ADGRG1: variants seen among roughly 807,000 people sequenced by gnomAD.
ADGRG1 encodes adhesion G protein-coupled receptor G1.
In ADGRG1, 53 loss-of-function variants were observed where a neutral mutation model predicts 73.5. The observed-to-expected ratio is 0.72, with a 90% CI of 0.58 to 0.91. The LOEUF is 0.91. Among genes scored for constraint, ADGRG1 ranks in the 40% least tolerant of loss-of-function variants. ADGRG1 has a pLI of 0.00. For missense variants in ADGRG1, 795 were observed against 871.8 expected, an observed-to-expected ratio of 0.91 and a Z score of 1.11; for synonymous variants, 394 against 374.4, an observed-to-expected ratio of 1.05 and a Z score of -0.60.
intron 3 of ADGRG1, 109 bp from the exon 4 acceptor site, chr16:57,653,094 G>A (rs2044531045): frequency 6.3e-7 from 1 of 1,588,572 alleles, no homozygotes; most frequent in Non-Finnish European, 8.5e-7. Flanking sequence ...CCTTTGTAAA[G>A]TAAAGATCGA....
intron 13 of ADGRG1, chr16:57,663,058 T>C (rs1268988892): frequency 1.6e-5 from 16 of 985,252 alleles, no homozygotes; most frequent in Non-Finnish European, 1.8e-5. Flanking sequence ...TACTAAGCTG[T>C]GGATACATCA....
Position 57,659,503 on chromosome 16 carries a change from G to A in ADGRG1, c.1377G>A (p.Pro459=), listed in dbSNP as rs772599432. 39 of 1,613,690 alleles carry A rather than the reference G, an allele frequency of 2.4e-5. No homozygotes were observed. Among genetic ancestry groups the A allele is most frequent in the Non-Finnish European group, 3.1e-5 (37 of 1,179,806 alleles). ...LLDTSFLLSE[P]VALTGSEAGC... is the part of the protein sequence containing the mutation. ...ACACGAGCTTCCTGCTCAGCGAGCC[G>A]GTGGCCCTGACAGGCTCTGAGGCTG... is the stretch of plus-strand genomic sequence containing the variant. Residue 459 remains proline (P), a synonymous_variant, in exon 11 of 14, where the codon CCG becomes CCA. Coordinates refer to ENST00000562631, the MANE Select transcript of ADGRG1 (RefSeq NM_201525.4).
chr16:57,658,887 TG>T, intron 10 of ADGRG1: 1 of 896,954 alleles, frequency 1.1e-6, no homozygotes, highest in Non-Finnish European at 1.3e-6. Context: ...GACTCCAGGA[TG>T]GTGACACTGG....
chr16:57,649,365 G>A (rs2043459447), intron 1 of ADGRG1, among the ~76,000 whole-genome samples: 1 of 152,200 alleles, frequency 6.6e-6, no homozygotes, highest in African/African-American at 2.4e-5. Context: ...GGCTGACCAA[G>A]GAGGAGGGAA....
intron 1 of ADGRG1, chr16:57,643,470 G>A (rs547196257): frequency 3.4e-4 from 217 of 647,364 alleles, no homozygotes; most frequent in Admixed American, 2.0e-3. Flanking sequence ...CTTCCCACAG[G>A]GTGTGTCTGG....
chr16:57,639,292 A>G, intron 1 of ADGRG1: 1 of 985,482 alleles, frequency 1.0e-6, no homozygotes, highest in Non-Finnish European at 1.2e-6. Flanking sequence ...GTCTGAGTTG[A>G]GGACTTGGGA....
rs1444096343 is a variant in ADGRG1 at position 57,643,747 on chromosome 16, C to T, written c.-35-6506C>T. ...TTCTGCCAGTGATCCTGGAATACCC[C>T]TCTTGGGGAGCTCTCTGTGGTCACC... On this transcript the variant is annotated intron_variant, in intron 1 of 13. Coordinates refer to ENST00000562631, the MANE Select transcript of ADGRG1 (RefSeq NM_201525.4). The T allele has an allele frequency of 4.1e-6, 4 of 984,552 alleles. No homozygotes were observed. The African/African-American group carries it at 7.0e-5, about 17-fold the overall frequency. The allele number at this position is 984,552 out of a possible 1,614,324, so 61.0% of individuals were successfully genotyped here.
chr16:57,651,534 C>T lies in ADGRG1; in HGVS notation c.399C>T (p.Pro133=). The T allele has an allele frequency of 6.2e-7, 1 of 1,614,244 alleles. No individual in the cohort carries two copies. Among genetic ancestry groups the T allele is most frequent in the Non-Finnish European group, 8.5e-7 (1 of 1,180,044 alleles). Residue 133 remains proline, a synonymous_variant, in exon 3 of 14, where the codon CCC becomes CCT. Coordinates refer to ENST00000562631, the MANE Select transcript of ADGRG1 (RefSeq NM_201525.4). The part of the protein sequence containing the change: ...QHQEESLAQG[P]PLLATSVTSW... Reference sequence around the variant, plus strand: ...AGGAGGAGAGCCTGGCTCAGGGCCCCCCGCTGTTAGCCACTTCTGTCACCT... The same window carrying T: ...AGGAGGAGAGCCTGGCTCAGGGCCCTCCGCTGTTAGCCACTTCTGTCACCT...
chr16:57,634,024 A>G (rs2038708129), intron 1 of ADGRG1: 1 of 971,180 alleles, frequency 1.0e-6, no homozygotes, highest in African/African-American at 1.8e-5. Context: ...CATTACCCAC[A>G]GAACCGCCGA....
At chr16:57,648,199 G>A (rs1213087159) in intron 1 of ADGRG1, among the ~76,000 whole-genome samples, 2 of 152,174 alleles carry the variant, frequency 1.3e-5, no homozygotes, top group African/African-American at 4.8e-5. Context: ...GACAATCAGA[G>A]GGGGACAGCA....
At chr16:57,663,374 C>A in intron 13 of ADGRG1, 78 bp from the exon 14 acceptor site, 2 of 1,592,740 alleles carry the variant, frequency 1.3e-6, no homozygotes, top group South Asian at 2.2e-5. Flanking sequence ...AGACCCGAGT[C>A]ACAATGGCTG....
rs1184203200 is a variant in ADGRG1 at position 57,663,706 on chromosome 16, A to G, written c.*124A>G. ...GCAGACTTTGGAAAGCCCAACGACC[A>G]TGGAGAGATGGGCCGTTGCCATGGT... is the stretch of plus-strand genomic sequence containing the variant. On this transcript the variant is annotated 3_prime_UTR_variant, in exon 14 of 14. Coordinates refer to ENST00000562631, the MANE Select transcript of ADGRG1 (RefSeq NM_201525.4). 7.2e-5 allele frequency: 78 copies of G among 1,078,302 alleles called. No individual in the cohort carries two copies. Among genetic ancestry groups the G allele is most frequent in the Non-Finnish European group, 1.1e-4 (76 of 721,738 alleles). 66.8% of individuals were successfully genotyped at this position (1,078,302 alleles called of 1,614,324 possible).
chr16:57,622,817 G>A (rs1596911144), upstream of ADGRG1: 1 of 985,346 alleles, frequency 1.0e-6, no homozygotes, highest in Non-Finnish European at 1.2e-6. Flanking sequence ...GGGGCACCCA[G>A]GCATGCCTTC....
At chr16:57,652,823 A>C in intron 3 of ADGRG1, 1 of 1,104,126 alleles carries the variant, frequency 9.1e-7, no homozygotes, top group East Asian at 7.6e-5. Flanking sequence ...CCGAGCCTGG[A>C]GTCAGGGAGG....
At chr16:57,645,891 T>A (rs1442988086) in intron 1 of ADGRG1, 5 of 152,188 alleles carry the variant, frequency 3.3e-5, no homozygotes, top group African/African-American at 1.2e-4. Context: ...AATGGACGGG[T>A]AGGTGAGGCT....
At chr16:57,626,817 T>A, upstream of ADGRG1, 1 of 981,896 alleles carries the variant, frequency 1.0e-6, no homozygotes, top group African/African-American at 1.7e-5. Flanking sequence ...CCTGAAGGAC[T>A]GACCTTGGGG....
upstream of ADGRG1, chr16:57,628,470 C>CA (rs1369611637): frequency 3.1e-6 from 3 of 975,646 alleles, no homozygotes; most frequent in African/African-American, 3.5e-5. Flanking sequence ...ATCACTGCCT[C>CA]AGCGCTCTCA....
Position 57,632,227 on chromosome 16 carries a change from G to A in ADGRG1, c.-36+3425G>A, listed in dbSNP as rs147020422. The A allele has an allele frequency of 3.7e-3, 3,687 of 985,424 alleles. 5 individuals are homozygous for A. Among genetic ancestry groups the A allele is most frequent in the Non-Finnish European group, 4.0e-3 (3,329 of 829,920 alleles). The allele number at this position is 985,424 out of a possible 1,614,324, so 61.0% of individuals were successfully genotyped here. ...TCCTCAGCCAGCCAGGCACATGCTCGTGTCTTGAACCCTGCCCCTGCCACT... is the reference window on the plus strand; with the variant it reads ...TCCTCAGCCAGCCAGGCACATGCTCATGTCTTGAACCCTGCCCCTGCCACT... On this transcript the variant is annotated intron_variant, in intron 1 of 13. Transcript: ENST00000562631.
At position 57,656,347 on chromosome 16, in the gene ADGRG1, G is replaced by T. The variant is rs187562828; in HGVS notation, c.1063+76G>T. On this transcript the variant is annotated intron_variant, in intron 8 of 13. Coordinates refer to ENST00000562631, the MANE Select transcript of ADGRG1 (RefSeq NM_201525.4). The stretch of plus-strand genomic sequence containing the variant: ...AGTCCTGGGGGGTGGGGGAGGTGGG[G>T]TTAATCACCGAGGGCTTCCTGGAGA... 4,588 of 1,611,478 alleles carry T rather than the reference G, an allele frequency of 2.8e-3. 18 individuals are homozygous for T. The highest frequency in any genetic ancestry group is 5.3e-3 in the Admixed American group (320 of 59,964).
Sources: gnomAD v4.1 joint callset for allele counts (sites outside exome capture counted in the v4.1 genomes callset) on GRCh38, gnomAD v4.1.1 for gene constraint, MANE v1.5 for transcripts, NCBI Gene and HGNC (gene_info 2026-07-23, HGNC 2026-07-21) for gene names.